OTOA: variants seen among roughly 807,000 people sequenced by gnomAD.
OTOA encodes the protein otoancorin.
A neutral mutation model predicts 110.8 loss-of-function variants in OTOA; 70 were observed. That is an observed-to-expected ratio of 0.63 (90% CI 0.52 to 0.77). The LOEUF (loss-of-function observed/expected upper bound fraction) is 0.77. Among genes scored for constraint, OTOA ranks in the 30% least tolerant of loss-of-function variants. The pLI, the probability that OTOA is intolerant of heterozygous loss-of-function variation, is 0.00. For missense variants in OTOA, 917 were observed against 1,075.8 expected (o/e 0.85, Z 2.06); for synonymous variants, 373 against 431.5 (o/e 0.86, Z 1.68).
At chr16:21,681,023 A>G (rs1249923145) in intron 5 of OTOA, among the ~76,000 whole-genome samples, 1 of 152,174 alleles carries the variant, frequency 6.6e-6, no homozygotes, top group African/African-American at 2.4e-5. Flanking sequence ...GTCTCAAGCC[A>G]CACAACTAAG....
intron 13 of OTOA, among the ~76,000 whole-genome samples, chr16:21,714,358 T>C (rs560849877): frequency 1.5e-3 from 173 of 115,996 alleles, no homozygotes; most frequent in African/African-American, 4.7e-3. Context: ...TCTTTCCTTC[T>C]CTCTTTCTTT....
intron 15 of OTOA, among the ~76,000 whole-genome samples, chr16:21,718,672 G>T (rs556678413): frequency 4.6e-5 from 7 of 152,228 alleles, no homozygotes; most frequent in East Asian, 3.9e-4. Context: ...GTGCTCATTG[G>T]GGGGTGGTTT....
At chr16:21,752,851 T>TC (rs1306749086) in intron 26 of OTOA, among the ~76,000 whole-genome samples, 176 bp from the exon 27 acceptor site, 55 of 133,520 alleles carry the variant, frequency 4.1e-4, no homozygotes, top group African/African-American at 1.6e-3. Context: ...TGACCCACAT[T>TC]TTTTTTTTCT....
intron 19 of OTOA, among the ~76,000 whole-genome samples, chr16:21,727,810 G>C (rs1898969662): frequency 6.6e-6 from 1 of 152,008 alleles, no homozygotes; most frequent in Non-Finnish European, 1.5e-5. Context: ...GGAATCCATG[G>C]CAGGGTAGGC....
intron 1 of OTOA, among the ~76,000 whole-genome samples, chr16:21,665,833 A>G (rs1436140128): frequency 1.4e-5 from 2 of 145,942 alleles, no homozygotes; most frequent in African/African-American, 5.0e-5. Context: ...GACTGCTTGA[A>G]TTTTTTTTTT....
chr16:21,711,573 A>G (rs1316976091), intron 13 of OTOA, among the ~76,000 whole-genome samples: 1 of 152,134 alleles, frequency 6.6e-6, no homozygotes, highest in African/African-American at 2.4e-5. Context: ...GGTTCAAGCA[A>G]TTCTCCTGCC....
intron 14 of OTOA, among the ~76,000 whole-genome samples, chr16:21,716,194 C>A (rs1898548090): frequency 6.6e-6 from 1 of 151,042 alleles, no homozygotes; most frequent in African/African-American, 2.5e-5. Flanking sequence ...AGCCACCATG[C>A]CTGGCCCCTT....
intron 9 of OTOA, among the ~76,000 whole-genome samples, chr16:21,694,424 C>A (rs1897892378): frequency 6.6e-6 from 1 of 152,000 alleles, no homozygotes; most frequent in African/African-American, 2.4e-5. Flanking sequence ...GCCTGGGTGA[C>A]AGAGCGAGAC....
chr16:21,695,961 C>T (rs184775178), intron 9 of OTOA, among the ~76,000 whole-genome samples: 3 of 133,414 alleles, frequency 2.2e-5, no homozygotes, highest in African/African-American at 8.6e-5. Context: ...GTGGTATGAT[C>T]TCAGCTCACT....
rs1410116073 is a variant in OTOA, at chr16:21,691,451, A to G, written c.636-133A>G. On this transcript the variant is annotated intron_variant, in intron 8 of 28. Coordinates refer to ENST00000646100, the MANE Select transcript of OTOA (RefSeq NM_144672.4). ...CAACCAACAGTGTAAAAGCGTTTCT[A>G]TTTCTCCACATCCAGGAGAGGGAAG... The G allele has an allele frequency of 9.5e-6, 7 of 734,596 alleles. No individual in the cohort carries two copies. The Admixed American group carries it at 1.4e-4, about 15-fold the overall frequency. The allele number at this position is 734,596 out of a possible 1,614,324, so 45.5% of individuals were successfully genotyped here.
At chr16:21,703,598 G>A (rs535055913) in intron 11 of OTOA, among the ~76,000 whole-genome samples, 7 of 152,180 alleles carry the variant, frequency 4.6e-5, no homozygotes, top group Middle Eastern at 6.8e-3. Flanking sequence ...GGTTATTAAC[G>A]TTCAGCCCTC....
intron 12 of OTOA, among the ~76,000 whole-genome samples, chr16:21,707,727 ACT>A (rs761194614): frequency 2.9e-4 from 19 of 66,364 alleles, no homozygotes; most frequent in African/African-American, 1.1e-3. Flanking sequence ...TCTCTTTCTC[ACT>A]CTCTCTCTTT....
intron 12 of OTOA, among the ~76,000 whole-genome samples, chr16:21,706,505 A>T (rs1320845122): frequency 6.6e-6 from 1 of 152,198 alleles, no homozygotes; most frequent in East Asian, 1.9e-4. Context: ...ATTTCAATGC[A>T]GCCAGGATTG....
At position 21,701,036 on chromosome 16, in the gene OTOA, A is replaced by G; in HGVS notation, c.980+9A>G. Reference sequence around the variant, plus strand: ...ACCTCCACCATCCACAGGCAAGCGCATGAGCTCTGGGCCTTGGAGCCCTTT... The same window carrying G: ...ACCTCCACCATCCACAGGCAAGCGCGTGAGCTCTGGGCCTTGGAGCCCTTT... On this transcript the variant is annotated intron_variant, in intron 11 of 28. Coordinates refer to ENST00000646100, the MANE Select transcript of OTOA (RefSeq NM_144672.4). The G allele has an allele frequency of 6.2e-7, 1 of 1,614,176 alleles. No individual in the cohort carries two copies. Among genetic ancestry groups the G allele is most frequent in the East Asian group, 2.2e-5 (1 of 44,880 alleles).
intron 9 of OTOA, 86 bp downstream of exon 9, chr16:21,691,773 ATGT>A (rs1460234066): frequency 3.5e-5 from 44 of 1,259,032 alleles, no homozygotes; most frequent in Non-Finnish European, 5.0e-5. Flanking sequence ...CATGGATTTG[ATGT>A]TGTTCTCTTC....
At chr16:21,704,442 C>T (rs756331226) in intron 11 of OTOA, among the ~76,000 whole-genome samples, 2 of 152,124 alleles carry the variant, frequency 1.3e-5, no homozygotes, top group Non-Finnish European at 1.5e-5. Flanking sequence ...CACCGACTTG[C>T]CTTGGACAAA....
chr16:21,685,356 G>A lies in OTOA; in HGVS notation c.394G>A (p.Gly132Ser), dbSNP rs1204323400. ...MKCLLEDKKD[G>S]LDLKDIIIDL... ...ATGCCTCTTAGAAGACAAGAAGGAC[G>A]GCTTGGTGAGGAGCCCTTGGCATCC... Residue 132 changes from glycine (G) to serine (S), a missense_variant, in exon 7 of 29, where the codon GGC (glycine) becomes AGC (serine). Physicochemically the swap from Gly to Ser is moderately conservative, Grantham distance 56. This residue lies in a region of OTOA where 840 missense variants were observed against 910.2 expected (regional missense o/e 0.92). Coordinates refer to ENST00000646100, the MANE Select transcript of OTOA (RefSeq NM_144672.4). The A allele has an allele frequency of 3.7e-6, 6 of 1,611,086 alleles. No individual in the cohort carries two copies. Among genetic ancestry groups the A allele is most frequent in the Admixed American group, 1.7e-5 (1 of 59,898 alleles).
chr16:21,685,175 C>G, intron 6 of OTOA, 55 bp from the exon 7 acceptor site: 1 of 1,602,816 alleles, frequency 6.2e-7, no homozygotes, highest in East Asian at 2.2e-5. Context: ...ATGGTGCTGA[C>G]CATGTGCTCC....
intron 18 of OTOA, among the ~76,000 whole-genome samples, chr16:21,724,825 G>A (rs1158195212): frequency 1.3e-5 from 2 of 152,058 alleles, no homozygotes; most frequent in African/African-American, 4.8e-5. Flanking sequence ...CACCCAGGCT[G>A]GAGTGCAGTG....
Sources: allele counts gnomAD v4.1 joint callset (sites outside exome capture counted in the v4.1 genomes callset), GRCh38; gene constraint gnomAD v4.1.1; regional missense constraint gnomAD v4.1.1; transcripts MANE v1.5; gene names NCBI Gene and HGNC (gene_info 2026-07-23, HGNC 2026-07-21).